COL5A2: variants seen among roughly 807,000 people sequenced by gnomAD.
The protein encoded by COL5A2 is collagen type V alpha 2 chain.
In COL5A2, 23 loss-of-function variants were observed where a neutral mutation model predicts 208.2. That is an observed-to-expected ratio of 0.11 (90% CI 0.08 to 0.16). The LOEUF is 0.16. Ranked by LOEUF, COL5A2 falls within the 10% of genes least tolerant of loss-of-function variation. The pLI is 1.00. For missense variants in COL5A2, 1,590 were observed against 1,956.4 expected, an observed-to-expected ratio of 0.81 and a Z score of 3.53; for synonymous variants, 625 against 628.5, an observed-to-expected ratio of 0.99 and a Z score of 0.08.
chr2:189,340,709 C>T, the COL5A2 span, among the ~76,000 whole-genome samples: 10 of 152,212 alleles, frequency 6.6e-5, no homozygotes, highest in Non-Finnish European at 1.2e-4. Context: ...CCCTGTGTCT[C>T]ACAAAAGCAG....
chr2:189,432,745 C>T, the COL5A2 span, among the ~76,000 whole-genome samples: 4 of 152,116 alleles, frequency 2.6e-5, no homozygotes, highest in Non-Finnish European at 5.9e-5. Context: ...GACTTTAACA[C>T]CCCACTCTCA....
intron 1 of COL5A2, among the ~76,000 whole-genome samples, chr2:189,146,312 A>G (rs1688039363): frequency 6.6e-6 from 1 of 152,168 alleles, no homozygotes; most frequent in Admixed American, 6.5e-5. Flanking sequence ...GACACTATTT[A>G]AGCAAAATTA....
At chr2:189,314,201 A>C in the COL5A2 span, among the ~76,000 whole-genome samples, 1 of 152,106 alleles carries the variant, frequency 6.6e-6, no homozygotes, top group Admixed American at 6.6e-5. Context: ...GAAGTAAAAC[A>C]CTCCTCAGCA....
chr2:189,344,426 T>A, the COL5A2 span, among the ~76,000 whole-genome samples: 3,642 of 152,116 alleles, frequency 0.024, 159 homozygotes, highest in African/African-American at 0.084. Flanking sequence ...CAGAACTCCA[T>A]CCCACTTTCC....
At chr2:189,134,482 G>A (rs183452539) in intron 1 of COL5A2, among the ~76,000 whole-genome samples, 53 of 152,236 alleles carry the variant, frequency 3.5e-4, no homozygotes, top group Non-Finnish European at 5.7e-4. Flanking sequence ...CCAGCTACTC[G>A]GGAGGCTGAG....
At chr2:189,164,511 T>A (rs1261796286) in intron 1 of COL5A2, among the ~76,000 whole-genome samples, 2 of 152,096 alleles carry the variant, frequency 1.3e-5, no homozygotes, top group Non-Finnish European at 2.9e-5. Context: ...AATATGATTT[T>A]GAAAAAATAC....
At chr2:189,418,631 G>C in the COL5A2 span, among the ~76,000 whole-genome samples, 1 of 152,174 alleles carries the variant, frequency 6.6e-6, no homozygotes, top group Non-Finnish European at 1.5e-5. Flanking sequence ...GGCCTTTAGA[G>C]ATTATCAATA....
At chr2:189,279,486 C>T in the COL5A2 span, among the ~76,000 whole-genome samples, 1 of 145,626 alleles carries the variant, frequency 6.9e-6, no homozygotes, top group Admixed American at 6.9e-5. Flanking sequence ...TAGATATATA[C>T]ACAATGTTGG....
At chr2:189,316,680 A>G in the COL5A2 span, among the ~76,000 whole-genome samples, 2 of 151,992 alleles carry the variant, frequency 1.3e-5, no homozygotes, top group South Asian at 4.2e-4. Flanking sequence ...TCTGTAAAAC[A>G]AACCCCCATG....
chr2:189,082,259 A>C (rs56381977), intron 12 of COL5A2, among the ~76,000 whole-genome samples: 21,618 of 152,272 alleles, frequency 0.14, 1,522 homozygotes, highest in Middle Eastern at 0.19. Context: ...GATGAAATTC[A>C]TATAACAAAA....
the COL5A2 span, among the ~76,000 whole-genome samples, chr2:189,245,478 C>CA: frequency 2.3e-5 from 3 of 129,140 alleles, no homozygotes; most frequent in African/African-American, 8.8e-5. Context: ...AAGGTATACT[C>CA]AAAATTTTTT....
the COL5A2 span, among the ~76,000 whole-genome samples, chr2:189,249,845 C>T: frequency 1.6e-4 from 24 of 152,200 alleles, no homozygotes; most frequent in African/African-American, 5.8e-4. Flanking sequence ...TATAGGTGCC[C>T]GCCACCACAC....
chr2:189,201,814 G>A (rs1399823226), intron 1 of COL5A2, among the ~76,000 whole-genome samples: 1 of 151,766 alleles, frequency 6.6e-6, no homozygotes, highest in Admixed American at 6.6e-5. Context: ...GAATTCTCAA[G>A]AGATATGCTT....
the COL5A2 span, among the ~76,000 whole-genome samples, chr2:189,297,312 G>T: frequency 6.6e-6 from 1 of 151,924 alleles, no homozygotes. Context: ...GCAGTCTTAT[G>T]GCTACATTAA....
the COL5A2 span, among the ~76,000 whole-genome samples, chr2:189,437,149 G>T: frequency 6.6e-6 from 1 of 152,116 alleles, no homozygotes; most frequent in Non-Finnish European, 1.5e-5. Context: ...TAAGTCTTAG[G>T]TTTTTCACCT....
At chr2:189,218,889 T>A (rs1287596176) in intron 1 of COL5A2, among the ~76,000 whole-genome samples, 1 of 151,932 alleles carries the variant, frequency 6.6e-6, no homozygotes, top group East Asian at 1.9e-4. Flanking sequence ...AAAAAAAAAA[T>A]GAACTTCTCA....
rs1424298731 is a variant in COL5A2 at position 189,088,915 on chromosome 2, G to A, written c.568-143C>T. On this transcript the variant is annotated intron_variant, in intron 7 of 53. Coordinates refer to ENST00000374866, the MANE Select transcript of COL5A2 (RefSeq NM_000393.5). ...TTCTAAGTGCTTGACTTTAAAGCCTGGAAAAAGACTTAAGTTGCTTTGATT... is the reference window on the plus strand; with the variant it reads ...TTCTAAGTGCTTGACTTTAAAGCCTAGAAAAAGACTTAAGTTGCTTTGATT... 8 of 732,922 alleles carry A rather than the reference G, an allele frequency of 1.1e-5. No individual in the cohort carries two copies. The East Asian group carries it at 1.9e-4, about 17-fold the overall frequency. The allele number at this position is 732,922 out of a possible 1,614,324, so 45.4% of individuals were successfully genotyped here. A position where few individuals can be genotyped will look rare whatever the true frequency, so the allele number is the denominator to read the frequency against.
At chr2:189,041,793 T>A in intron 49 of COL5A2, 100 bp from the exon 50 acceptor site, 1 of 734,292 alleles carries the variant, frequency 1.4e-6, no homozygotes, top group Admixed American at 2.3e-5. Context: ...GCTGTAACAG[T>A]GATTTCTAAG....
At chr2:189,320,686 C>G in the COL5A2 span, among the ~76,000 whole-genome samples, 1 of 152,220 alleles carries the variant, frequency 6.6e-6, no homozygotes, top group Non-Finnish European at 1.5e-5. Flanking sequence ...AAATCTACGT[C>G]TGATTGGTGT....
Sources: allele counts gnomAD v4.1 joint callset (sites outside exome capture counted in the v4.1 genomes callset), GRCh38; gene constraint gnomAD v4.1.1; transcripts MANE v1.5; gene names NCBI Gene and HGNC (gene_info 2026-07-23, HGNC 2026-07-21).